The following CDC73 variants were observed in gnomAD, a reference collection of about 807,000 sequenced individuals.
CDC73 encodes parafibromin.
In CDC73, 21 loss-of-function variants were observed where a neutral mutation model predicts 83.7. The ratio of observed to expected loss-of-function variants is 0.25; its 90% CI spans 0.18 to 0.36. CDC73 has a LOEUF of 0.36. Among genes scored for constraint, CDC73 ranks in the 10% least tolerant of loss-of-function variants. The pLI is 1.00. For missense variants in CDC73, 342 were observed against 653.3 expected (o/e 0.52, Z 5.19); for synonymous variants, 224 against 212.9 (o/e 1.05, Z -0.45).
intron 10 of CDC73, among the ~76,000 whole-genome samples, chr1:193,174,953 T>C (rs1676577474): frequency 6.6e-6 from 1 of 152,234 alleles, no homozygotes; most frequent in Non-Finnish European, 1.5e-5. Context: ...TGAGTCAAGT[T>C]GTAATTCACT....
intron 14 of CDC73, among the ~76,000 whole-genome samples, chr1:193,233,406 T>G (rs552737065): frequency 1.6e-4 from 24 of 152,256 alleles, no homozygotes; most frequent in Admixed American, 2.6e-4. Context: ...TATTGTTGGT[T>G]GTTTTTTCTC....
chr1:193,208,745 A>G (rs1288668482), intron 11 of CDC73, among the ~76,000 whole-genome samples: 2 of 150,868 alleles, frequency 1.3e-5, no homozygotes, highest in Non-Finnish European at 3.0e-5. Flanking sequence ...TTGTAACCTC[A>G]TCTCCTGCCA....
At chr1:193,246,769 G>T (rs1319642367) in intron 15 of CDC73, among the ~76,000 whole-genome samples, 3 of 152,070 alleles carry the variant, frequency 2.0e-5, no homozygotes, top group African/African-American at 7.2e-5. Flanking sequence ...ATACTTTGCA[G>T]TGATTGTCCA....
chr1:193,186,448 A>G (rs1412848152), intron 10 of CDC73: 1 of 152,572 alleles, frequency 6.6e-6, no homozygotes, highest in Non-Finnish European at 1.5e-5. Flanking sequence ...CAGAGCTAAA[A>G]TGTAGTGCTT....
intron 7 of CDC73, among the ~76,000 whole-genome samples, chr1:193,146,519 A>C (rs567729400): frequency 6.6e-6 from 1 of 151,346 alleles, no homozygotes; most frequent in South Asian, 2.1e-4. Flanking sequence ...GCAAGCAAGC[A>C]AATGAGACAC....
At position 193,253,965 on chromosome 1, in the gene CDC73, A is replaced by G. The variant is rs1209077484; in HGVS notation, c.*3253A>G. Reference sequence around the variant, plus strand: ...AGGAATATTTGTTGAACTAAAGTATATAAAATTTTTTGAGACTAGCAGTAT... The same window carrying G: ...AGGAATATTTGTTGAACTAAAGTATGTAAAATTTTTTGAGACTAGCAGTAT... On this transcript the variant is annotated 3_prime_UTR_variant, in exon 17 of 17. Coordinates refer to ENST00000367435, the MANE Select transcript of CDC73 (RefSeq NM_024529.5). The G allele has an allele frequency of 2.7e-5, 6 of 222,752 alleles. No homozygotes were observed. The highest frequency in any genetic ancestry group is 2.7e-4 in the East Asian group (4 of 15,054). 13.8% of individuals were successfully genotyped at this position (222,752 alleles called of 1,614,324 possible). A position where few individuals can be genotyped will look rare whatever the true frequency, so the allele number is the denominator to read the frequency against.
At chr1:193,191,067 A>G (rs1676910141) in intron 10 of CDC73, among the ~76,000 whole-genome samples, 1 of 152,208 alleles carries the variant, frequency 6.6e-6, no homozygotes, top group African/African-American at 2.4e-5. Context: ...TTTATAATTA[A>G]GTAAATTTAA....
chr1:193,202,641 AGTTTTT>A lies in CDC73; in HGVS notation c.973-1152_973-1147del, dbSNP rs1421354061. Among the ~76,000 whole-genome samples the A allele has an allele frequency of 3.7e-5, 3 of 81,724 alleles. No homozygotes were observed. The East Asian group carries it at 1.1e-3, about 30-fold the overall frequency. The allele number at this position is 81,724 out of a possible 152,430, so 53.6% of individuals were successfully genotyped here. On this transcript the variant is annotated intron_variant, in intron 10 of 16. Transcript: ENST00000367435. ...TTTTTTTTTTTTTTTTCCTTCTTGGAGTTTTTGCTACCTACCTGCTCCTGCGGCTGT... is the reference window on the plus strand; with the variant it reads ...TTTTTTTTTTTTTTTTCCTTCTTGGAGCTACCTACCTGCTCCTGCGGCTGT...
intron 10 of CDC73, among the ~76,000 whole-genome samples, chr1:193,163,203 C>T (rs1216242160): frequency 2.0e-5 from 3 of 149,156 alleles, no homozygotes; most frequent in African/African-American, 7.4e-5. Context: ...TTTTTTTTTC[C>T]CCCTCCTAGA....
chr1:193,180,965 A>G lies in CDC73; in HGVS notation c.973-22830A>G. The G allele has an allele frequency of 6.2e-7, 1 of 1,613,492 alleles. No homozygotes were observed. ...TCTTCCAGTATTGCACGTTGAAGGT[A>G]GCCATTTAGCTTAATACTTAAGCCC... On this transcript the variant is annotated intron_variant, in intron 10 of 16. Coordinates refer to ENST00000367435, the MANE Select transcript of CDC73 (RefSeq NM_024529.5).
At chr1:193,163,966 T>G (rs981349804) in intron 10 of CDC73, among the ~76,000 whole-genome samples, 6 of 152,090 alleles carry the variant, frequency 3.9e-5, no homozygotes, top group African/African-American at 1.4e-4. Context: ...TTTTAGTAGA[T>G]GGGGTTTCGC....
At chr1:193,246,944 G>C (rs190866246) in intron 15 of CDC73, among the ~76,000 whole-genome samples, 7 of 152,186 alleles carry the variant, frequency 4.6e-5, no homozygotes, top group African/African-American at 1.4e-4. Context: ...AGCATGATCA[G>C]CTTATTCACT....
intron 10 of CDC73, among the ~76,000 whole-genome samples, chr1:193,194,007 A>G (rs896328814): frequency 5.3e-5 from 8 of 152,184 alleles, no homozygotes; most frequent in Admixed American, 2.0e-4. Flanking sequence ...CAAAACAGCT[A>G]AACTAATAAC....
At position 193,174,866 on chromosome 1, in the gene CDC73, CTT is replaced by C. The variant is rs1203740071; in HGVS notation, c.972+22423_972+22424del. ...CTACCCTTTCTCACTATAGAGAAAACTTGATTTGATACTGTAAAACATTTTCC... is the reference window on the plus strand; with the variant it reads ...CTACCCTTTCTCACTATAGAGAAAACGATTTGATACTGTAAAACATTTTCC... On this transcript the variant is annotated intron_variant, in intron 10 of 16. Transcript: ENST00000367435. Among the ~76,000 whole-genome samples, 15 of 152,278 alleles carry C rather than the reference CTT, an allele frequency of 9.9e-5. No homozygotes were observed. The East Asian group carries it at 2.9e-3, about 29-fold the overall frequency.
rs568363954 is a variant in CDC73 at position 193,200,271 on chromosome 1, A to G, written c.973-3524A>G. On this transcript the variant is annotated intron_variant, in intron 10 of 16. Transcript: ENST00000367435. ...TTCAGGTAACATTTTAAAATTAAAT[A>G]TAATGTATATAGTGTGTTCTTTTTC... Among the ~76,000 whole-genome samples, 6 of 152,272 alleles carry G rather than the reference A, an allele frequency of 3.9e-5. No homozygotes were observed. The East Asian group carries it at 1.2e-3, about 29-fold the overall frequency.
At chr1:193,158,765 A>G (rs1170886749) in intron 10 of CDC73, among the ~76,000 whole-genome samples, 4 of 152,162 alleles carry the variant, frequency 2.6e-5, no homozygotes, top group South Asian at 2.1e-4. Flanking sequence ...TGTACCCCTT[A>G]AATGAAACAC....
At chr1:193,170,591 T>C (rs1387286541) in intron 10 of CDC73, among the ~76,000 whole-genome samples, 1 of 152,226 alleles carries the variant, frequency 6.6e-6, no homozygotes, top group African/African-American at 2.4e-5. Flanking sequence ...TTTGGAAAAG[T>C]GATCATGCCC....
Position 193,253,598 on chromosome 1 carries a change from T to C in CDC73, c.*2886T>C, listed in dbSNP as rs1322334705. The C allele has an allele frequency of 1.3e-5, 3 of 231,840 alleles. No homozygotes were observed. Among genetic ancestry groups the C allele is most frequent in the African/African-American group, 2.2e-5 (1 of 45,284 alleles). 14.4% of individuals were successfully genotyped at this position (231,840 alleles called of 1,614,324 possible). A position where few individuals can be genotyped will look rare whatever the true frequency, so the allele number is the denominator to read the frequency against. ...TAACTAGTATTATAGTTTGTTTTTT[T>C]CCCATGTCTCCATAACTTTTACTAA... is the stretch of plus-strand genomic sequence containing the variant. On this transcript the variant is annotated 3_prime_UTR_variant, in exon 17 of 17. Coordinates refer to ENST00000367435, the MANE Select transcript of CDC73 (RefSeq NM_024529.5).
chr1:193,220,713 T>C (rs1228971917), intron 13 of CDC73, among the ~76,000 whole-genome samples: 1 of 152,224 alleles, frequency 6.6e-6, no homozygotes, highest in Non-Finnish European at 1.5e-5. Context: ...AGCTGTTTTT[T>C]CATTAATAGT....
Sources: allele counts gnomAD v4.1 joint callset (sites outside exome capture counted in the v4.1 genomes callset), GRCh38; gene constraint gnomAD v4.1.1; transcripts MANE v1.5; gene names NCBI Gene and HGNC (gene_info 2026-07-23, HGNC 2026-07-21).